Variants in TENM3 observed in about 807,000 individuals in gnomAD.
The protein encoded by TENM3 is teneurin transmembrane protein 3, also known as teneurin-3.
TENM3 carries 63 observed loss-of-function variants against 255.1 expected under a neutral mutation model. The ratio of observed to expected loss-of-function variants is 0.25; its 90% CI spans 0.20 to 0.30. The LOEUF (loss-of-function observed/expected upper bound fraction) is 0.30, where lower values mean the gene tolerates loss of function less well. TENM3 is among the 10% of genes least tolerant of loss of function. TENM3 has a pLI of 1.00. For synonymous variants in TENM3, 1,306 were observed against 1,322.3 expected (o/e 0.99, Z 0.27); for missense variants, 2,929 against 3,461.1 (o/e 0.85, Z 3.86).
chr4:181,976,107 T>A, the TENM3 span: 1 of 152,244 alleles, frequency 6.6e-6, no homozygotes, highest in African/African-American at 2.4e-5. Context: ...CCTACCCTAA[T>A]GACCTCATTT....
intron 7 of TENM3, among the ~76,000 whole-genome samples, chr4:182,676,978 G>C (rs1270312200): frequency 1.3e-5 from 2 of 151,970 alleles, no homozygotes; most frequent in African/African-American, 4.8e-5. Flanking sequence ...AAGAGCATAA[G>C]GTCCTAAGAC....
chr4:182,766,584 G>A (rs1180715495), intron 22 of TENM3, among the ~76,000 whole-genome samples: 1 of 152,084 alleles, frequency 6.6e-6, no homozygotes, highest in Non-Finnish European at 1.5e-5. Context: ...AAGAGGCATT[G>A]GGTCACTATT....
chr4:182,797,936 T>C (rs1240953622), intron 27 of TENM3, among the ~76,000 whole-genome samples: 1 of 152,294 alleles, frequency 6.6e-6, no homozygotes, highest in East Asian at 1.9e-4. Flanking sequence ...AAGCAATTCC[T>C]TTTTCATAAG....
the TENM3 span, among the ~76,000 whole-genome samples, chr4:181,723,171 T>G: frequency 6.6e-6 from 1 of 151,964 alleles, no homozygotes; most frequent in South Asian, 2.1e-4. Context: ...CCAGGCATTC[T>G]GTCCTTAATT....
chr4:181,773,961 A>G, the TENM3 span, among the ~76,000 whole-genome samples: 2 of 146,822 alleles, frequency 1.4e-5, no homozygotes, highest in Non-Finnish European at 3.0e-5. Context: ...CCACTTAGCT[A>G]TAACTTGTTA....
At chr4:181,710,729 T>G in the TENM3 span, among the ~76,000 whole-genome samples, 1 of 151,942 alleles carries the variant, frequency 6.6e-6, no homozygotes, top group Non-Finnish European at 1.5e-5. Context: ...TCTTCCTTTT[T>G]GTGAGAACGG....
intron 1 of TENM3, among the ~76,000 whole-genome samples, chr4:182,178,136 C>A (rs1752629378): frequency 6.6e-6 from 1 of 152,056 alleles, no homozygotes. Flanking sequence ...CTATTTAATA[C>A]ATATCAGCTA....
intron 1 of TENM3, among the ~76,000 whole-genome samples, chr4:182,303,241 G>T (rs1761948129): frequency 6.6e-6 from 1 of 152,076 alleles, no homozygotes; most frequent in African/African-American, 2.4e-5. Flanking sequence ...GTATAGAAAT[G>T]AATAGCTGAA....
the TENM3 span, among the ~76,000 whole-genome samples, chr4:181,582,720 G>T: frequency 2.0e-5 from 3 of 151,692 alleles, no homozygotes; most frequent in East Asian, 3.9e-4. Context: ...CTCCTTTGCG[G>T]TTAGTGAGAA....
chr4:181,886,059 T>G, the TENM3 span, among the ~76,000 whole-genome samples: 2 of 149,130 alleles, frequency 1.3e-5, no homozygotes, highest in South Asian at 2.1e-4. Flanking sequence ...TTTTTTTTTT[T>G]TTTTTTTTTT....
chr4:181,627,672 T>C, the TENM3 span, among the ~76,000 whole-genome samples: 1 of 152,180 alleles, frequency 6.6e-6, no homozygotes, highest in East Asian at 1.9e-4. Flanking sequence ...AAGTTATCCT[T>C]TTTTATGGCT....
intron 3 of TENM3, among the ~76,000 whole-genome samples, chr4:182,528,109 G>T (rs1739403553): frequency 2.0e-5 from 3 of 152,068 alleles, no homozygotes; most frequent in Admixed American, 2.0e-4. Context: ...AACTTAGCAA[G>T]ATTTTAAAAG....
At chr4:182,196,820 C>T (rs1055798716) in intron 1 of TENM3, among the ~76,000 whole-genome samples, 6 of 152,224 alleles carry the variant, frequency 3.9e-5, no homozygotes, top group African/African-American at 1.4e-4. Context: ...TTGTCAGTTT[C>T]ACATCTCCGT....
the TENM3 span, among the ~76,000 whole-genome samples, chr4:181,629,390 AG>A: frequency 1.3e-5 from 2 of 152,282 alleles, no homozygotes; most frequent in South Asian, 4.2e-4. Flanking sequence ...AGGAGTGGTG[AG>A]AGAGCGCATC....
At chr4:182,258,617 AG>A (rs1321459039) in intron 1 of TENM3, among the ~76,000 whole-genome samples, 1 of 152,212 alleles carries the variant, frequency 6.6e-6, no homozygotes, top group Admixed American at 6.5e-5. Flanking sequence ...AGTCAGAATA[AG>A]ATATTTTCAT....
intron 3 of TENM3, among the ~76,000 whole-genome samples, chr4:182,507,281 A>T (rs1736935670): frequency 6.6e-6 from 1 of 152,210 alleles, no homozygotes; most frequent in Non-Finnish European, 1.5e-5. Context: ...GATTGAAGTT[A>T]GTCTAAATAA....
intron 3 of TENM3, among the ~76,000 whole-genome samples, chr4:182,441,051 G>A (rs755744203): frequency 1.5e-4 from 23 of 152,162 alleles, no homozygotes; most frequent in Middle Eastern, 6.8e-3. Flanking sequence ...GCTATGGCAC[G>A]GAAGGGCTTT....
chr4:182,624,564 A>G (rs1439118474), intron 4 of TENM3, among the ~76,000 whole-genome samples: 12 of 152,092 alleles, frequency 7.9e-5, no homozygotes, highest in Non-Finnish European at 1.5e-4. Flanking sequence ...CTCTGCTGTT[A>G]CCAGCTCCCC....
chr4:182,706,439 A>G (rs1475351317), intron 12 of TENM3, among the ~76,000 whole-genome samples: 2 of 152,196 alleles, frequency 1.3e-5, no homozygotes, highest in Non-Finnish European at 2.9e-5. Flanking sequence ...ACCACTGTCC[A>G]TAGTTAGAAT....
Sources: allele counts gnomAD v4.1 joint callset (sites outside exome capture counted in the v4.1 genomes callset), GRCh38; gene constraint gnomAD v4.1.1; transcripts MANE v1.5; gene names NCBI Gene and HGNC (gene_info 2026-07-23, HGNC 2026-07-21).